The following SEPTIN6 variants were observed in gnomAD, a reference collection of about 807,000 sequenced individuals.
SEPTIN6 encodes septin 6, also known as septin-6.
SEPTIN6 carries 8 observed loss-of-function variants against 33.6 expected under a neutral mutation model. The ratio of observed to expected loss-of-function variants is 0.24; its 90% CI spans 0.14 to 0.43. SEPTIN6 has a LOEUF of 0.43. Among genes scored for constraint, SEPTIN6 ranks in the 20% least tolerant of loss-of-function variants. The pLI is 1.00. For missense variants in SEPTIN6, 250 were observed against 340.8 expected, an observed-to-expected ratio of 0.73 and a Z score of 2.10; for synonymous variants, 131 against 140.0, an observed-to-expected ratio of 0.94 and a Z score of 0.45.
intron 4 of SEPTIN6, among the ~76,000 whole-genome samples, chrX:119,651,487 AC>A (rs1388403514): frequency 9.0e-6 from 1 of 111,606 alleles, no homozygotes; most frequent in African/African-American, 3.3e-5. Flanking sequence ...AGCTTGGCCA[AC>A]ATGGTGAAAC....
intron 5 of SEPTIN6, among the ~76,000 whole-genome samples, chrX:119,649,423 G>A (rs1334176851): frequency 2.5e-4 from 26 of 103,949 alleles, no homozygotes; most frequent in Non-Finnish European, 4.7e-4. Context: ...AACATATCTC[G>A]GTTGCAGTGA....
chrX:119,663,628 G>A lies in SEPTIN6; in HGVS notation c.195C>T (p.Thr65=). 8.3e-7 allele frequency: 1 copy of A among 1,210,758 alleles called. No individual in the cohort carries two copies. Among genetic ancestry groups the A allele is most frequent in the Non-Finnish European group, 1.1e-6 (1 of 895,075 alleles). The stretch of plus-strand genomic sequence containing the variant: ...GGGTGGCTGGCTCCCCTTCGAATTT[G>A]GTGTTGAACAGGGTGTCCATGAGGG... ...KSTLMDTLFN[T]KFEGEPATHT... Residue 65 remains threonine, a synonymous_variant, in exon 3 of 11, where the codon ACC becomes ACT. Coordinates refer to ENST00000394610, the MANE Select transcript of SEPTIN6 (RefSeq NM_145799.4).
intron 10 of SEPTIN6, 48 bp from the exon 11 acceptor site, chrX:119,620,099 ACC>A: frequency 1.1e-6 from 1 of 892,487 alleles, no homozygotes; most frequent in African/African-American, 4.2e-5. Context: ...AGATTAATGT[ACC>A]AAAAAAAAAA....
At chrX:119,621,109 TAG>T (rs1480396395) in intron 10 of SEPTIN6, among the ~76,000 whole-genome samples, 1 of 109,421 alleles carries the variant, frequency 9.1e-6, no homozygotes, top group African/African-American at 3.3e-5. Flanking sequence ...ATTGGGAAAG[TAG>T]AGGAGGCTGA....
At chrX:119,625,411 G>A in intron 9 of SEPTIN6, 32 bp from the exon 10 acceptor site, 1 of 1,175,344 alleles carries the variant, frequency 8.5e-7, no homozygotes, top group Admixed American at 2.2e-5. Flanking sequence ...TGAAGATGGA[G>A]TGAGCATGAG....
At position 119,617,735 on chromosome X, in the gene SEPTIN6, G is replaced by T. The variant is rs2053688046; in HGVS notation, c.*2358C>A. 2.6e-6 allele frequency: 2 copies of T among 774,332 alleles called. No homozygotes were observed. The highest frequency in any genetic ancestry group is 3.1e-6 in the Non-Finnish European group (2 of 642,712). 63.8% of individuals were successfully genotyped at this position (774,332 alleles called of 1,213,427 possible). A position where few individuals can be genotyped will look rare whatever the true frequency, so the allele number is the denominator to read the frequency against. ...TTAGTCTGGCTTCTGCCTCGAAACA[G>T]AAGTGGGACCTCGGTCAAGTCCCTT... On this transcript the variant is annotated 3_prime_UTR_variant, in exon 11 of 11. Coordinates refer to ENST00000394610, the MANE Select transcript of SEPTIN6 (RefSeq NM_145799.4).
chrX:119,675,655 C>A lies in SEPTIN6; in HGVS notation c.44G>T (p.Arg15Leu). The A allele has an allele frequency of 9.0e-7, 1 of 1,114,751 alleles. No individual in the cohort carries two copies. Among genetic ancestry groups the A allele is most frequent in the Non-Finnish European group, 1.2e-6 (1 of 838,154 alleles). 91.9% of individuals were successfully genotyped at this position (1,114,751 alleles called of 1,213,427 possible). A position where few individuals can be genotyped will look rare whatever the true frequency, so the allele number is the denominator to read the frequency against. The change falls in exon 2 of 11, where the codon CGA becomes CTA. Residue 15 changes from arginine to leucine, a missense_variant. Physicochemically the swap from Arg to Leu is moderately radical, Grantham distance 102 (BLOSUM62 -2). This residue lies in a region of SEPTIN6 where 111 missense variants were observed against 113.8 expected (regional missense o/e 0.98). Transcript: ENST00000394610. Reference protein sequence around the residue: ...DIARQVGEGCRTVPLAGHVGF... With the variant: ...DIARQVGEGCLTVPLAGHVGF... ...CACATGTCCAGCCAGGGGGACAGTT[C>A]GGCAACCTTCACCCTAATTTGGAAG... is the stretch of plus-strand genomic sequence containing the variant.
intron 2 of SEPTIN6, among the ~76,000 whole-genome samples, chrX:119,670,350 G>C (rs921527303): frequency 9.1e-6 from 1 of 109,720 alleles, no homozygotes; most frequent in African/African-American, 3.3e-5. Flanking sequence ...TTGAGGTCAA[G>C]AGTTCGAGAC....
At chrX:119,661,983 C>G (rs766754181) in intron 3 of SEPTIN6, among the ~76,000 whole-genome samples, 1 of 112,122 alleles carries the variant, frequency 8.9e-6, no homozygotes, top group Non-Finnish European at 1.9e-5. Flanking sequence ...AGTGATCTGC[C>G]CGCCTCGGCC....
chrX:119,640,566 G>A (rs920439715), intron 6 of SEPTIN6, 126 bp downstream of exon 6: 3 of 526,426 alleles, frequency 5.7e-6, no homozygotes, highest in Middle Eastern at 4.1e-4. Flanking sequence ...ATGGCTATTT[G>A]GGACCCATGC....
chrX:119,631,862 A>C (rs1319190972), intron 8 of SEPTIN6, among the ~76,000 whole-genome samples: 1 of 107,678 alleles, frequency 9.3e-6, no homozygotes, highest in Non-Finnish European at 1.9e-5. Context: ...TCCTGGGTTC[A>C]AGCAATTCTT....
chrX:119,630,301 G>C (rs1569421607), intron 8 of SEPTIN6, among the ~76,000 whole-genome samples: 1 of 111,681 alleles, frequency 9.0e-6, no homozygotes, highest in South Asian at 3.7e-4. Context: ...GGTCAACCCA[G>C]TATTTAGAAC....
At chrX:119,661,922 G>A (rs2054554394) in intron 3 of SEPTIN6, among the ~76,000 whole-genome samples, 1 of 111,987 alleles carries the variant, frequency 8.9e-6, no homozygotes, top group Admixed American at 9.5e-5. Context: ...ATTTTTAGTA[G>A]AGACGGGGTT....
intron 2 of SEPTIN6, among the ~76,000 whole-genome samples, chrX:119,674,844 C>A (rs1017639986): frequency 9.0e-6 from 1 of 111,614 alleles, no homozygotes; most frequent in African/African-American, 3.3e-5. Context: ...CAGATATTAC[C>A]GCACTCTACT....
At chrX:119,649,086 C>T (rs1603339452) in intron 5 of SEPTIN6, among the ~76,000 whole-genome samples, 1 of 103,595 alleles carries the variant, frequency 9.7e-6, no homozygotes, top group African/African-American at 3.5e-5. Flanking sequence ...TTCATTCACA[C>T]TTAATAAAGC....
intron 1 of SEPTIN6, among the ~76,000 whole-genome samples, chrX:119,677,509 AC>A (rs1475350811): frequency 8.9e-6 from 1 of 112,425 alleles, no homozygotes; most frequent in East Asian, 2.8e-4. Context: ...GCTTTCCATA[AC>A]TAGAAAGATG....
chrX:119,675,779 AGT>A (rs2054830606), intron 1 of SEPTIN6, 111 bp from the exon 2 acceptor site: 5 of 370,178 alleles, frequency 1.4e-5, no homozygotes, highest in Non-Finnish European at 2.3e-5. Flanking sequence ...GCCCAGGCCC[AGT>A]GTGTCATCTC....
At chrX:119,684,774 AG>A (rs1393398473) in intron 1 of SEPTIN6, among the ~76,000 whole-genome samples, 2 of 111,726 alleles carry the variant, frequency 1.8e-5, no homozygotes, top group Admixed American at 9.6e-5. Context: ...TACAGGTGTG[AG>A]CCCCCGCACA....
rs759526753 is a variant in SEPTIN6, at chrX:119,618,856, C to T, written c.*1237G>A. On this transcript the variant is annotated 3_prime_UTR_variant, in exon 11 of 11. Transcript: ENST00000394610. ...TGCCAGGTCAACTCCATCTCTCACA[C>T]TGTCACTGGCCAAACACCAAAGGCC... 41 of 1,200,387 alleles carry T rather than the reference C, an allele frequency of 3.4e-5. No individual in the cohort carries two copies. The highest frequency in any genetic ancestry group is 4.6e-5 in the Non-Finnish European group (41 of 890,378).
Sources: allele counts gnomAD v4.1 joint callset (sites outside exome capture counted in the v4.1 genomes callset), GRCh38; gene constraint gnomAD v4.1.1; regional missense constraint gnomAD v4.1.1; transcripts MANE v1.5; gene names NCBI Gene and HGNC (gene_info 2026-07-23, HGNC 2026-07-21).